Variants in SNTB1 observed in about 807,000 individuals in gnomAD.
SNTB1 encodes beta-1-syntrophin.
In SNTB1, 36 loss-of-function variants were observed where a neutral mutation model predicts 48.9. That is an observed-to-expected ratio of 0.74 (90% CI 0.56 to 0.97). SNTB1 has a LOEUF of 0.97. SNTB1 is among the 50% of genes least tolerant of loss of function. The probability of loss-of-function intolerance (pLI) is 0.00; values close to 1 mark genes in which losing one functional copy is unlikely to be tolerated. For synonymous variants in SNTB1, 299 were observed against 294.6 expected (o/e 1.01, Z -0.15); for missense variants, 786 against 703.4 (o/e 1.12, Z -1.33).
intron 1 of SNTB1, among the ~76,000 whole-genome samples, chr8:120,767,544 G>T (rs980897257): frequency 6.6e-6 from 1 of 152,178 alleles, no homozygotes; most frequent in African/African-American, 2.4e-5. Context: ...GGATCTAGTG[G>T]TATAGCTGTT....
chr8:120,541,215 G>C (rs1030844700), intron 6 of SNTB1: 1 of 152,200 alleles, frequency 6.6e-6, no homozygotes, highest in Non-Finnish European at 1.5e-5. Context: ...GCATTGAGAC[G>C]AGACGTATGT....
chr8:120,800,574 C>A (rs1050744734), intron 1 of SNTB1, among the ~76,000 whole-genome samples: 1 of 151,948 alleles, frequency 6.6e-6, no homozygotes, highest in Non-Finnish European at 1.5e-5. Flanking sequence ...ATGCATCAGA[C>A]CTAGATGGGA....
chr8:120,724,746 G>A (rs546920301), intron 1 of SNTB1, among the ~76,000 whole-genome samples: 1 of 152,312 alleles, frequency 6.6e-6, no homozygotes, highest in South Asian at 2.1e-4. Flanking sequence ...AAGCCAGGGT[G>A]GCAGAATTGC....
chr8:120,731,433 C>T lies in SNTB1; in HGVS notation c.572-37525G>A, dbSNP rs903647552. Among the ~76,000 whole-genome samples, 8 of 152,112 alleles carry T rather than the reference C, an allele frequency of 5.3e-5. No individual in the cohort carries two copies. The East Asian group carries it at 7.7e-4, about 15-fold the overall frequency. On this transcript the variant is annotated intron_variant, in intron 1 of 6. Transcript: ENST00000517992. The stretch of plus-strand genomic sequence containing the variant: ...GAAAGATGTGAAAGCTAGTCAATGG[C>T]GGAGCATTAGAAACAGGATCAATAG...
chr8:120,559,324 C>T (rs1203838534), intron 4 of SNTB1, among the ~76,000 whole-genome samples: 1 of 152,076 alleles, frequency 6.6e-6, no homozygotes, highest in Non-Finnish European at 1.5e-5. Context: ...ATAGAAGTTG[C>T]CTATTTTTTG....
intron 4 of SNTB1, among the ~76,000 whole-genome samples, chr8:120,561,571 T>G (rs1220564292): frequency 6.6e-6 from 1 of 152,158 alleles, no homozygotes; most frequent in African/African-American, 2.4e-5. Flanking sequence ...AATAATTTTT[T>G]GAATCTTTTA....
At chr8:120,633,263 G>A (rs1179354323) in intron 2 of SNTB1, among the ~76,000 whole-genome samples, 1 of 152,076 alleles carries the variant, frequency 6.6e-6, no homozygotes, top group Non-Finnish European at 1.5e-5. Context: ...GGCATGAATT[G>A]GCCTAGGAAG....
chr8:120,583,813 G>T (rs530019769), intron 3 of SNTB1, among the ~76,000 whole-genome samples: 1 of 152,034 alleles, frequency 6.6e-6, no homozygotes, highest in African/African-American at 2.4e-5. Context: ...AAACCAGTAC[G>T]CCTCATGAAC....
chr8:120,682,079 T>C (rs11993445), intron 2 of SNTB1, among the ~76,000 whole-genome samples: 44,009 of 150,858 alleles, frequency 0.29, 7,433 homozygotes, highest in Admixed American at 0.37. Flanking sequence ...AATATATTCA[T>C]GAGAAGGATT....
intron 1 of SNTB1, among the ~76,000 whole-genome samples, chr8:120,771,153 T>A (rs1026795438): frequency 6.6e-6 from 1 of 152,086 alleles, no homozygotes; most frequent in African/African-American, 2.4e-5. Flanking sequence ...CAGCTGTGTA[T>A]CCCCAGGAAG....
chr8:120,679,877 T>C (rs954409399), intron 2 of SNTB1, among the ~76,000 whole-genome samples: 2 of 152,132 alleles, frequency 1.3e-5, no homozygotes, highest in Non-Finnish European at 2.9e-5. Context: ...TTTTGCTTTC[T>C]TTTGAATTTT....
intron 1 of SNTB1, among the ~76,000 whole-genome samples, chr8:120,752,461 C>A (rs569949122): frequency 6.6e-6 from 1 of 152,090 alleles, no homozygotes; most frequent in East Asian, 1.9e-4. Context: ...AAAGGAAAAT[C>A]AATCATTCTA....
intron 1 of SNTB1, among the ~76,000 whole-genome samples, chr8:120,725,282 C>T (rs2129960545): frequency 6.6e-6 from 1 of 152,216 alleles, no homozygotes; most frequent in East Asian, 1.9e-4. Context: ...AGTCAGATTC[C>T]ACCCCAGTTG....
rs181009607 is a variant in SNTB1 at position 120,596,451 on chromosome 8, C to G, written c.997-21226G>C. Among the ~76,000 whole-genome samples, 367 of 152,296 alleles carry G rather than the reference C, an allele frequency of 2.4e-3. 1 individual carries two copies. The highest frequency in any genetic ancestry group is 8.6e-3 in the African/African-American group (358 of 41,558). ...TCTATTGCTACAAACCAATCATGAC[C>G]CAATGCAGATTTATAGCTGCACAGG... is the stretch of plus-strand genomic sequence containing the variant. On this transcript the variant is annotated intron_variant, in intron 3 of 6. Transcript: ENST00000517992.
intron 1 of SNTB1, among the ~76,000 whole-genome samples, chr8:120,772,435 C>T (rs1000310049): frequency 8.6e-5 from 13 of 151,870 alleles, no homozygotes; most frequent in Admixed American, 4.6e-4. Flanking sequence ...TTAGTAGAGA[C>T]GGGGTTTTAC....
intron 1 of SNTB1, among the ~76,000 whole-genome samples, chr8:120,749,507 T>C (rs1819177644): frequency 6.6e-6 from 1 of 152,180 alleles, no homozygotes; most frequent in African/African-American, 2.4e-5. Flanking sequence ...ACAGCCTCTC[T>C]ATGTATCTAC....
chr8:120,655,101 G>A (rs918524775), intron 2 of SNTB1: 11 of 318,332 alleles, frequency 3.5e-5, no homozygotes, highest in Non-Finnish European at 5.0e-5. Context: ...GACATTTTGG[G>A]GTGTTTTTAT....
At chr8:120,770,225 C>A (rs1819597461) in intron 1 of SNTB1, among the ~76,000 whole-genome samples, 1 of 152,236 alleles carries the variant, frequency 6.6e-6, no homozygotes, top group South Asian at 2.1e-4. Context: ...GGTGGCTTTT[C>A]CTCCCAACAA....
intron 3 of SNTB1, among the ~76,000 whole-genome samples, chr8:120,603,219 A>G (rs1816452354): frequency 6.6e-6 from 1 of 151,788 alleles, no homozygotes; most frequent in Admixed American, 6.6e-5. Flanking sequence ...CTCCTGCCTC[A>G]GCCTCCCAAA....
Sources: gnomAD v4.1 joint callset for allele counts (sites outside exome capture counted in the v4.1 genomes callset) on GRCh38, gnomAD v4.1.1 for gene constraint, MANE v1.5 for transcripts, NCBI Gene and HGNC (gene_info 2026-07-23, HGNC 2026-07-21) for gene names.